PGLYRP2: variants seen among roughly 807,000 people sequenced by gnomAD.
The protein encoded by PGLYRP2 is peptidoglycan recognition protein 2, also known as N-acetylmuramoyl-L-alanine amidase.
PGLYRP2 carries 38 observed loss-of-function variants against 46.2 expected under a neutral mutation model. The observed-to-expected ratio is 0.82, with a 90% CI of 0.64 to 1.08. The LOEUF (loss-of-function observed/expected upper bound fraction) is 1.08, where lower values mean the gene tolerates loss of function less well. PGLYRP2 is among the 50% of genes least tolerant of loss of function. The pLI is 0.00. For synonymous variants in PGLYRP2, 289 were observed against 329.4 expected (o/e 0.88, Z 1.33); for missense variants, 713 against 755.9 (o/e 0.94, Z 0.67).
At chr19:15,475,462 A>C in intron 2 of PGLYRP2, 76 bp downstream of exon 2, 1 of 1,418,336 alleles carries the variant, frequency 7.1e-7, no homozygotes, top group Non-Finnish European at 9.6e-7. Context: ...CTAGTCCTCA[A>C]CTTCCCTGAA....
At chr19:15,477,219 C>T (rs1213437284) in intron 1 of PGLYRP2, among the ~76,000 whole-genome samples, 3 of 151,452 alleles carry the variant, frequency 2.0e-5, no homozygotes, top group African/African-American at 7.3e-5. Flanking sequence ...ACCGTGAAAC[C>T]CCATCTCTAA....
intron 2 of PGLYRP2, among the ~76,000 whole-genome samples, chr19:15,474,425 C>A (rs1320760909): frequency 6.6e-6 from 1 of 152,118 alleles, no homozygotes; most frequent in Non-Finnish European, 1.5e-5. Flanking sequence ...TGGATATCTA[C>A]CCAAAGGAAA....
chr19:15,479,433 G>A lies in PGLYRP2; in HGVS notation c.-62C>T, dbSNP rs1307735922. ...TTGGCCTCGGCAGAGAACCTCGGCA[G>A]TGCTGGAGGGAGACAGGCACAGAGA... On this transcript the variant is annotated 5_prime_UTR_variant, in exon 1 of 5. Coordinates refer to ENST00000340880, the MANE Select transcript of PGLYRP2 (RefSeq NM_052890.4). The A allele has an allele frequency of 1.3e-6, 2 of 1,507,746 alleles. No individual in the cohort carries two copies. The highest frequency in any genetic ancestry group is 1.8e-6 in the Non-Finnish European group (2 of 1,094,186). 93.4% of individuals were successfully genotyped at this position (1,507,746 alleles called of 1,614,324 possible).
At chr19:15,478,166 G>GAGTT (rs1335170591) in intron 1 of PGLYRP2, among the ~76,000 whole-genome samples, 1 of 152,158 alleles carries the variant, frequency 6.6e-6, no homozygotes, top group Non-Finnish European at 1.5e-5. Flanking sequence ...GGCCAACATG[G>GAGTT]TGAAACCCCG....
In PGLYRP2 at chr19:15,469,081, C is replaced by CCTT; in HGVS notation, c.1642-330_1642-329insAAG. 1 of 517,680 alleles carries CCTT rather than the reference C, an allele frequency of 1.9e-6. No individual in the cohort carries two copies. Among genetic ancestry groups the CCTT allele is most frequent in the Non-Finnish European group, 3.4e-6 (1 of 291,380 alleles). 32.1% of individuals were successfully genotyped at this position (517,680 alleles called of 1,614,324 possible). On this transcript the variant is annotated intron_variant, in intron 4 of 4. Transcript: ENST00000340880. The surrounding 1 kb of genome is among the most constrained non-coding windows in gnomAD (Gnocchi z 4.9). ...GTTAAGGAGTCAGGGACGAAACAAG[C>CCTT]AACCTCAGAGTTGAGATTGTCTGGA...
intron 3 of PGLYRP2, 87 bp downstream of exon 3, chr19:15,471,803 A>C (rs1970751399): frequency 6.9e-7 from 1 of 1,441,354 alleles, no homozygotes; most frequent in Non-Finnish European, 9.3e-7. Context: ...CTCGGGTTCA[A>C]GCCCGGTCCC....
chr19:15,469,720 G>T lies in PGLYRP2; in HGVS notation c.1553C>A (p.Ala518Glu). The T allele has an allele frequency of 6.7e-7, 1 of 1,497,144 alleles. No individual in the cohort carries two copies. The highest frequency in any genetic ancestry group is 8.9e-7 in the Non-Finnish European group (1 of 1,129,426). 92.7% of individuals were successfully genotyped at this position (1,497,144 alleles called of 1,614,324 possible). The change falls in exon 4 of 5, where the codon GCG becomes GAG. Residue 518 changes from alanine (A) to glutamate (E), a missense_variant. Transcript: ENST00000340880. The surrounding 1 kb of genome is among the most constrained non-coding windows in gnomAD (Gnocchi z 4.9). ...VRAGLLRPDY[A>E]LLGHRQLVRT... ...CACCAGCTGGCGGTGGCCCAGCAGC[G>T]CGTAGTCTGGCCGCAGGAGGCCGGC...
At chr19:15,471,764 AGGAC>A in intron 3 of PGLYRP2, 122 bp downstream of exon 3, 1 of 1,114,076 alleles carries the variant, frequency 9.0e-7, no homozygotes, top group Non-Finnish European at 1.3e-6. Context: ...TCTACCTATC[AGGAC>A]TCCTCCTTGG....
At position 15,471,962 on chromosome 19, in the gene PGLYRP2, C is replaced by G; in HGVS notation, c.1271G>C (p.Arg424Pro). Reference protein sequence around the residue: ...VPAPPCTDFTRCAANMRSMQR... With the variant: ...VPAPPCTDFTPCAANMRSMQR... ...CATGGAGCGCATGTTGGCTGCGCAG[C>G]GCGTGAAGTCCGTGCAGGGTGGTGC... The change falls in exon 3 of 5, where the codon CGC becomes CCC. Residue 424 changes from arginine to proline, a missense_variant. Physicochemically the swap from Arg to Pro is moderately radical, Grantham distance 103. Coordinates refer to ENST00000340880, the MANE Select transcript of PGLYRP2 (RefSeq NM_052890.4). 1 of 1,614,072 alleles carries G rather than the reference C, an allele frequency of 6.2e-7. No individual in the cohort carries two copies. The highest frequency in any genetic ancestry group is 8.5e-7 in the Non-Finnish European group (1 of 1,179,968).
At chr19:15,470,920 A>G (rs764480361) in intron 3 of PGLYRP2, among the ~76,000 whole-genome samples, 20 of 152,112 alleles carry the variant, frequency 1.3e-4, no homozygotes, top group Non-Finnish European at 2.4e-4. Context: ...CTGGGATTAC[A>G]GGCGTTAGCC....
chr19:15,476,973 A>T (rs963929374), intron 1 of PGLYRP2, among the ~76,000 whole-genome samples: 7 of 152,186 alleles, frequency 4.6e-5, no homozygotes, highest in African/African-American at 1.4e-4. Flanking sequence ...AGGTGGCAGA[A>T]GGTAGGTAGT....
At chr19:15,470,749 A>AT (rs1970740902) in intron 3 of PGLYRP2, among the ~76,000 whole-genome samples, 1 of 151,178 alleles carries the variant, frequency 6.6e-6, no homozygotes, top group Non-Finnish European at 1.5e-5. Context: ...GGTTCAAGTG[A>AT]TTCTCCCGTC....
chr19:15,474,602 C>T (rs187521318), intron 2 of PGLYRP2, among the ~76,000 whole-genome samples: 14 of 152,012 alleles, frequency 9.2e-5, no homozygotes, highest in Admixed American at 4.6e-4. Context: ...GAGCCCTGGA[C>T]GAAGGTCAGG....
rs957571688 is a variant in PGLYRP2 at position 15,469,066 on chromosome 19, C to T, written c.1642-314G>A. 2.0e-5 allele frequency: 10 copies of T among 512,658 alleles called. No homozygotes were observed. Among genetic ancestry groups the T allele is most frequent in the Non-Finnish European group, 3.1e-5 (9 of 288,308 alleles). The allele number at this position is 512,658 out of a possible 1,614,324, so 31.8% of individuals were successfully genotyped here. A position where few individuals can be genotyped will look rare whatever the true frequency, so the allele number is the denominator to read the frequency against. ...GAGTTGTCATCAGGGGTTAAGGAGT[C>T]AGGGACGAAACAAGCAACCTCAGAG... On this transcript the variant is annotated intron_variant, in intron 4 of 4. Coordinates refer to ENST00000340880, the MANE Select transcript of PGLYRP2 (RefSeq NM_052890.4). This position sits in a 1 kb window ranked among gnomAD's most constrained non-coding sequence, Gnocchi z 4.9.
At position 15,472,112 on chromosome 19, in the gene PGLYRP2, G is replaced by A. The variant is rs1311719084; in HGVS notation, c.1133-12C>T. 1.3e-6 allele frequency: 2 copies of A among 1,595,658 alleles called. No homozygotes were observed. Among genetic ancestry groups the A allele is most frequent in the South Asian group, 1.1e-5 (1 of 90,672 alleles). On this transcript the variant is annotated splice_polypyrimidine_tract_variant and intron_variant, in intron 2 of 4. Transcript: ENST00000340880. ...GATGGCCGGGCATCCTACAGGCAAG[G>A]GGGTTGAAGGCTGGGGTCAGGAACT...
intron 3 of PGLYRP2, among the ~76,000 whole-genome samples, chr19:15,471,456 G>A (rs1427251141): frequency 6.7e-6 from 1 of 149,342 alleles, no homozygotes; most frequent in East Asian, 2.1e-4. Flanking sequence ...GGTGTGGGGG[G>A]GTGTCTTCCT....
At chr19:15,471,626 C>T (rs1016700642) in intron 3 of PGLYRP2, among the ~76,000 whole-genome samples, 3 of 152,140 alleles carry the variant, frequency 2.0e-5, no homozygotes, top group Admixed American at 6.6e-5. Flanking sequence ...CCACAGGTCC[C>T]GCTCCTCTCC....
At position 15,469,891 on chromosome 19, in the gene PGLYRP2, C is replaced by T. The variant is rs1970728556; in HGVS notation, c.1382G>A (p.Arg461His). Reference sequence around the variant, plus strand: ...GTGGGCGCCCACCCAGTGCCAGCCGCGTCCCTCGTACACGTAGCCGTCCGA... The same window carrying T: ...GTGGGCGCCCACCCAGTGCCAGCCGTGTCCCTCGTACACGTAGCCGTCCGA... The part of the protein sequence containing the change: ...VGSDGYVYEG[R>H]GWHWVGAHTL... The change falls in exon 4 of 5, where the codon CGC (arginine) becomes CAC (histidine). Residue 461 changes from arginine (R) to histidine (H), a missense_variant. Physicochemically the swap from Arg to His is conservative, Grantham distance 29. Transcript: ENST00000340880. This position sits in a 1 kb window ranked among gnomAD's most constrained non-coding sequence, Gnocchi z 4.9. 3 of 1,474,896 alleles carry T rather than the reference C, an allele frequency of 2.0e-6. No homozygotes were observed. Among genetic ancestry groups the T allele is most frequent in the Non-Finnish European group, 1.8e-6 (2 of 1,122,122 alleles). The allele number at this position is 1,474,896 out of a possible 1,614,324, so 91.4% of individuals were successfully genotyped here. A position where few individuals can be genotyped will look rare whatever the true frequency, so the allele number is the denominator to read the frequency against.
rs1970716709 is a variant in PGLYRP2 at position 15,468,764 on chromosome 19, C to T, written c.1642-12G>A. 1 of 1,602,454 alleles carries T rather than the reference C, an allele frequency of 6.2e-7. No individual in the cohort carries two copies. Among genetic ancestry groups the T allele is most frequent in the African/African-American group, 1.3e-5 (1 of 74,474 alleles). ...CTTGGCTTAACAGTCTGGAAAAAGA[C>T]AAGGGAGTGTGAGGCTTGGGGGTGG... On this transcript the variant is annotated splice_polypyrimidine_tract_variant and intron_variant, in intron 4 of 4. Coordinates refer to ENST00000340880, the MANE Select transcript of PGLYRP2 (RefSeq NM_052890.4).
Sources: allele counts gnomAD v4.1 joint callset (sites outside exome capture counted in the v4.1 genomes callset), GRCh38; gene constraint gnomAD v4.1.1; non-coding constraint Gnocchi (gnomAD v3.1); transcripts MANE v1.5; gene names NCBI Gene and HGNC (gene_info 2026-07-23, HGNC 2026-07-21).